Variants in RPP40 observed in about 807,000 individuals in gnomAD.
RPP40 encodes the protein ribonuclease P protein subunit p40.
In RPP40, 30 loss-of-function variants were observed where a neutral mutation model predicts 42.5. That is an observed-to-expected ratio of 0.71 (90% CI 0.53 to 0.96). The LOEUF is 0.96. RPP40 is among the 40% of genes least tolerant of loss of function. The probability of loss-of-function intolerance (pLI) is 0.00; values close to 1 mark genes in which losing one functional copy is unlikely to be tolerated. For missense variants in RPP40, 426 were observed against 433.5 expected (o/e 0.98, Z 0.15); for synonymous variants, 173 against 164.0 (o/e 1.05, Z -0.42).
the RPP40 span, among the ~76,000 whole-genome samples, chr6:4,988,713 T>C: frequency 6.6e-6 from 1 of 152,256 alleles, no homozygotes; most frequent in East Asian, 1.9e-4. Context: ...TGCTTAACCA[T>C]TCACGCACTG....
downstream of RPP40, among the ~76,000 whole-genome samples, chr6:4,993,828 A>G (rs1426197999): frequency 6.6e-6 from 1 of 152,048 alleles, no homozygotes; most frequent in East Asian, 1.9e-4. Context: ...GGTGAAGCAG[A>G]TGGATTTATT....
At chr6:4,989,159 TG>T in the RPP40 span, among the ~76,000 whole-genome samples, 1 of 152,186 alleles carries the variant, frequency 6.6e-6, no homozygotes. Context: ...GTGGACTCTT[TG>T]GTAAAATGTC....
downstream of RPP40, among the ~76,000 whole-genome samples, chr6:4,992,676 G>A (rs1051653169): frequency 6.6e-5 from 10 of 151,896 alleles, no homozygotes; most frequent in African/African-American, 2.4e-4. Flanking sequence ...TTTAATTGGT[G>A]GTGTTCACAC....
downstream of RPP40, among the ~76,000 whole-genome samples, chr6:4,990,809 G>A (rs1251780378): frequency 2.6e-5 from 4 of 152,136 alleles, no homozygotes; most frequent in East Asian, 1.9e-4. Flanking sequence ...TTTTTAAACT[G>A]TAATTTCAAC....
chr6:5,003,245 G>A (rs1174650755), intron 1 of RPP40, among the ~76,000 whole-genome samples: 1 of 150,848 alleles, frequency 6.6e-6, no homozygotes, highest in East Asian at 2.0e-4. Context: ...TACACGGGAG[G>A]CTGAGGCAGG....
At chr6:5,003,773 C>T (rs1759663151) in intron 1 of RPP40, 107 bp downstream of exon 1, 40 of 1,404,120 alleles carry the variant, frequency 2.8e-5, no homozygotes, top group Non-Finnish European at 3.3e-5. Context: ...CCCGCCCCTC[C>T]GCGTACCGCC....
At chr6:5,001,810 C>T (rs891974180) in intron 2 of RPP40, 4 of 261,884 alleles carry the variant, frequency 1.5e-5, no homozygotes, top group South Asian at 1.7e-4. Flanking sequence ...TGCATCTGAA[C>T]ACAGACTGCA....
chr6:5,003,985 C>A lies in RPP40; in HGVS notation c.18G>T (p.Arg6=). 6.2e-7 allele frequency: 1 copy of A among 1,610,896 alleles called. No individual in the cohort carries two copies. Among genetic ancestry groups the A allele is most frequent in the Non-Finnish European group, 8.5e-7 (1 of 1,178,914 alleles). The change falls in exon 1 of 8, where the codon CGG becomes CGT. Residue 6 remains arginine, a synonymous_variant. Transcript: ENST00000380051. The part of the protein sequence containing the change: MATLR[R]LREAPRHLLV... ...GTAAGTGCCGCGGCGCCTCCCGAAG[C>A]CGGCGCAGCGTGGCCATGCTCTCCT...
chr6:5,000,517 C>G, intron 3 of RPP40, 46 bp downstream of exon 3: 1 of 930,768 alleles, frequency 1.1e-6, no homozygotes, highest in Non-Finnish European at 1.6e-6. Context: ...TTACAGTATG[C>G]ATTTTTTTTT....
Position 5,002,211 on chromosome 6 carries a change from G to T in RPP40, c.158C>A (p.Ser53Ter). The change falls in exon 2 of 8, where the codon TCG (serine) becomes TAG (stop). Residue 53 changes from serine (S) to a stop codon, truncating the protein, a stop_gained. Coordinates refer to ENST00000380051, the MANE Select transcript of RPP40 (RefSeq NM_006638.4). LOFTEE classifies it high-confidence loss of function. ...SFLIPECGIL[S>*]EELKNLVMNT... ...CATGACCAGGTTTTTCAGTTCTTCC[G>T]ATAGTATCCCACATTCAGGAATGAG... The T allele has an allele frequency of 6.2e-7, 1 of 1,613,166 alleles. No homozygotes were observed. Among genetic ancestry groups the T allele is most frequent in the Non-Finnish European group, 8.5e-7 (1 of 1,179,386 alleles).
chr6:5,000,084 A>C (rs1759504413), intron 3 of RPP40, among the ~76,000 whole-genome samples, 180 bp from the exon 4 acceptor site: 1 of 152,266 alleles, frequency 6.6e-6, no homozygotes, highest in Non-Finnish European at 1.5e-5. Context: ...GATATTATTT[A>C]TACATTATAC....
At chr6:4,989,063 G>A in the RPP40 span, among the ~76,000 whole-genome samples, 8 of 146,490 alleles carry the variant, frequency 5.5e-5, no homozygotes, top group Non-Finnish European at 1.2e-4. Flanking sequence ...TCTAATAGGA[G>A]TTAGTGATAT....
intron 3 of RPP40, 69 bp downstream of exon 3, chr6:5,000,490 CTTTT>C: frequency 1.6e-4 from 111 of 694,818 alleles, no homozygotes; most frequent in Middle Eastern, 4.7e-4. Flanking sequence ...GCCCAGCTGA[CTTTT>C]TTTTTTTTTT....
downstream of RPP40, among the ~76,000 whole-genome samples, chr6:4,992,559 T>G (rs1162292503): frequency 6.6e-6 from 1 of 152,214 alleles, no homozygotes; most frequent in Non-Finnish European, 1.5e-5. Context: ...TAGCATATCT[T>G]TTTTCCATCC....
In RPP40 at chr6:5,004,010, TG is replaced by T; in HGVS notation, c.-9del. ...CCGGCGCAGCGTGGCCATGCTCTCC[TG>T]GGTTCCTGGTCCTCCCGGCCTCCGC... On this transcript the variant is annotated 5_prime_UTR_variant, in exon 1 of 8. Coordinates refer to ENST00000380051, the MANE Select transcript of RPP40 (RefSeq NM_006638.4). 1 of 1,598,424 alleles carries T rather than the reference TG, an allele frequency of 6.3e-7. No individual in the cohort carries two copies. The highest frequency in any genetic ancestry group is 2.3e-5 in the East Asian group (1 of 44,396).
intron 1 of RPP40, among the ~76,000 whole-genome samples, chr6:5,003,407 G>A (rs908903568): frequency 1.3e-5 from 2 of 151,218 alleles, no homozygotes; most frequent in African/African-American, 4.9e-5. Context: ...TAGGCAGGAT[G>A]CTCTGGTGAG....
the RPP40 span, among the ~76,000 whole-genome samples, chr6:4,989,496 G>T: frequency 6.6e-6 from 1 of 152,052 alleles, no homozygotes; most frequent in Non-Finnish European, 1.5e-5. Flanking sequence ...GATTGTGATT[G>T]TATTAAATCT....
chr6:5,002,898 G>C (rs929850013), intron 1 of RPP40, among the ~76,000 whole-genome samples: 1 of 152,214 alleles, frequency 6.6e-6, no homozygotes, highest in Non-Finnish European at 1.5e-5. Context: ...TGTTCTGACT[G>C]ATCAGGTCAC....
At chr6:5,000,247 G>A (rs1331754515) in intron 3 of RPP40, among the ~76,000 whole-genome samples, 1 of 151,956 alleles carries the variant, frequency 6.6e-6, no homozygotes, top group Admixed American at 6.6e-5. Flanking sequence ...GAGCGCAGTG[G>A]CGCAATCTTG....
Sources: gnomAD v4.1 joint callset for allele counts (sites outside exome capture counted in the v4.1 genomes callset) on GRCh38, gnomAD v4.1.1 for gene constraint, MANE v1.5 for transcripts, NCBI Gene and HGNC (gene_info 2026-07-23, HGNC 2026-07-21) for gene names.